Variants in DGCR2 observed in about 807,000 individuals in gnomAD.
DGCR2 encodes the protein integral membrane protein DGCR2/IDD.
A neutral mutation model predicts 51.6 loss-of-function variants in DGCR2; 24 were observed. The ratio of observed to expected loss-of-function variants is 0.47; its 90% confidence interval spans 0.34 to 0.65. The LOEUF is 0.65. Among genes scored for constraint, DGCR2 ranks in the 30% least tolerant of loss-of-function variants. The pLI is 0.01. For synonymous variants in DGCR2, 340 were observed against 315.4 expected, an observed-to-expected ratio of 1.08 and a Z score of -0.82; for missense variants, 765 against 772.1, an observed-to-expected ratio of 0.99 and a Z score of 0.11.
At chr22:19,042,253 G>A (rs2082440832) in intron 7 of DGCR2, among the ~76,000 whole-genome samples, 1 of 152,210 alleles carries the variant, frequency 6.6e-6, no homozygotes. Context: ...AGGATTTCCT[G>A]TCCTAGGACT....
intron 1 of DGCR2, among the ~76,000 whole-genome samples, chr22:19,093,151 G>A (rs950794257): frequency 1.3e-5 from 2 of 151,916 alleles, no homozygotes; most frequent in South Asian, 2.1e-4. Flanking sequence ...ACCTGAGGTC[G>A]GGAGCTCCGA....
chr22:19,108,569 TAAAAAA>T (rs55803042), intron 1 of DGCR2, among the ~76,000 whole-genome samples: 7 of 90,776 alleles, frequency 7.7e-5, no homozygotes, highest in Middle Eastern at 6.0e-3. Context: ...AGAATTTATC[TAAAAAA>T]AAAAAAAAAA....
chr22:19,041,722 G>C (rs1601499053), intron 8 of DGCR2, 85 bp downstream of exon 8: 1 of 1,478,612 alleles, frequency 6.8e-7, no homozygotes, highest in East Asian at 2.3e-5. Flanking sequence ...GCCCCTCTCT[G>C]TCCAGGGCTG....
chr22:19,089,273 G>A, intron 2 of DGCR2, 95 bp downstream of exon 2: 1 of 1,370,320 alleles, frequency 7.3e-7, no homozygotes, highest in Non-Finnish European at 9.7e-7. Context: ...AATGTGTTAA[G>A]ACAGCACACA....
At chr22:19,048,876 A>T (rs2082519286) in intron 6 of DGCR2, among the ~76,000 whole-genome samples, 1 of 152,194 alleles carries the variant, frequency 6.6e-6, no homozygotes, top group Non-Finnish European at 1.5e-5. Flanking sequence ...TCACTGCTGC[A>T]CCACTTGACA....
intron 2 of DGCR2, among the ~76,000 whole-genome samples, chr22:19,073,841 A>G (rs1458411254): frequency 1.3e-5 from 2 of 152,208 alleles, no homozygotes; most frequent in Non-Finnish European, 2.9e-5. Flanking sequence ...GGAATAAAAC[A>G]AAACAGGAAA....
At position 19,063,102 on chromosome 22, in the gene DGCR2, C is replaced by CCG. The variant is rs2082703585; in HGVS notation, c.625+99_625+100insCG. On this transcript the variant is annotated intron_variant, in intron 5 of 9. Coordinates refer to ENST00000263196, the MANE Select transcript of DGCR2 (RefSeq NM_005137.3). The stretch of plus-strand genomic sequence containing the variant: ...CTCACCCACTCCCTGCACAGCACCC[C>CCG]TACGGGCCAGGCAGCACTGGGTAAG... 7.7e-6 allele frequency: 9 copies of CCG among 1,173,046 alleles called. No homozygotes were observed. The South Asian group carries it at 1.2e-4, about 16-fold the overall frequency. 72.7% of individuals were successfully genotyped at this position (1,173,046 alleles called of 1,614,324 possible). A position where few individuals can be genotyped will look rare whatever the true frequency, so the allele number is the denominator to read the frequency against.
chr22:19,053,458 A>C (rs1035987259), intron 6 of DGCR2, among the ~76,000 whole-genome samples: 4 of 152,204 alleles, frequency 2.6e-5, no homozygotes, highest in Non-Finnish European at 4.4e-5. Flanking sequence ...AATGCTGCTA[A>C]ATACGAAAGC....
intron 6 of DGCR2, among the ~76,000 whole-genome samples, chr22:19,055,371 C>A (rs1245282901): frequency 6.6e-6 from 1 of 152,090 alleles, no homozygotes; most frequent in Non-Finnish European, 1.5e-5. Flanking sequence ...TGACTTCATA[C>A]AGGTACATTC....
chr22:19,092,108 G>A (rs2083085103), intron 1 of DGCR2, among the ~76,000 whole-genome samples: 2 of 151,764 alleles, frequency 1.3e-5, no homozygotes, highest in Non-Finnish European at 2.9e-5. Context: ...AACACTTTGG[G>A]AGATGATCCA....
chr22:19,053,091 T>C (rs2082566621), intron 6 of DGCR2, among the ~76,000 whole-genome samples: 1 of 152,204 alleles, frequency 6.6e-6, no homozygotes, highest in African/African-American at 2.4e-5. Context: ...ACCAATCACC[T>C]CCACTGCCCT....
intron 2 of DGCR2, 67 bp downstream of exon 2, chr22:19,089,301 A>C: frequency 6.7e-7 from 1 of 1,487,032 alleles, no homozygotes; most frequent in Non-Finnish European, 9.0e-7. Flanking sequence ...CCCTCACAAG[A>C]GGCACAGTCA....
chr22:19,089,329 G>C (rs1410099973), intron 2 of DGCR2, 39 bp downstream of exon 2: 1 of 1,537,812 alleles, frequency 6.5e-7, no homozygotes, highest in Middle Eastern at 1.7e-4. Context: ...ACAACAAAGA[G>C]ACAAGGTGGT....
intron 2 of DGCR2, among the ~76,000 whole-genome samples, chr22:19,085,852 G>A (rs1279354438): frequency 2.0e-5 from 3 of 152,070 alleles, no homozygotes; most frequent in Non-Finnish European, 4.4e-5. Flanking sequence ...AATGGCCCAG[G>A]GCTTCCCTAG....
chr22:19,095,122 G>C (rs1472587879), intron 1 of DGCR2, among the ~76,000 whole-genome samples: 1 of 152,172 alleles, frequency 6.6e-6, no homozygotes, highest in African/African-American at 2.4e-5. Context: ...CAGCACTTTG[G>C]GAGGCTGAGG....
intron 6 of DGCR2, chr22:19,056,598 G>A: frequency 2.7e-6 from 1 of 368,888 alleles, no homozygotes; most frequent in Non-Finnish European, 5.0e-6. Context: ...AAGGTAAACA[G>A]AGAAGCAGAG....
At chr22:19,040,959 G>A in intron 9 of DGCR2, 99 bp downstream of exon 9, 1 of 1,075,794 alleles carries the variant, frequency 9.3e-7, no homozygotes, top group South Asian at 1.6e-5. Flanking sequence ...GGAAAGAAGT[G>A]AGGTCCCTAG....
chr22:19,077,472 T>C (rs1401930548), intron 2 of DGCR2, among the ~76,000 whole-genome samples: 3 of 152,214 alleles, frequency 2.0e-5, no homozygotes, highest in Non-Finnish European at 4.4e-5. Context: ...AATGGCATCC[T>C]TGTGGAAAAT....
chr22:19,045,453 C>A (rs1191225062), intron 7 of DGCR2: 2 of 152,202 alleles, frequency 1.3e-5, no homozygotes, highest in African/African-American at 4.8e-5. Flanking sequence ...ATGTGTCTGC[C>A]CCTTCATCGA....
Sources: allele counts gnomAD v4.1 joint callset (sites outside exome capture counted in the v4.1 genomes callset), GRCh38; gene constraint gnomAD v4.1.1; transcripts MANE v1.5; gene names NCBI Gene and HGNC (gene_info 2026-07-23, HGNC 2026-07-21).